C2CD2: variants seen among roughly 807,000 people sequenced by gnomAD.
C2CD2 encodes the protein C2 domain-containing protein 2.
Under a neutral mutation model 74.3 loss-of-function variants are expected in C2CD2, and 43 were observed. The observed-to-expected ratio is 0.58, with a 90% CI of 0.45 to 0.75. The LOEUF (loss-of-function observed/expected upper bound fraction) is 0.75, where lower values mean the gene tolerates loss of function less well. C2CD2 is among the 30% of genes least tolerant of loss of function. The pLI, the probability that C2CD2 is intolerant of heterozygous loss-of-function variation, is 0.00. For synonymous variants in C2CD2, 422 were observed against 390.7 expected (o/e 1.08, Z -0.94); for missense variants, 801 against 916.3 (o/e 0.87, Z 1.63).
chr21:41,896,977 G>A (rs929826871), intron 13 of C2CD2, among the ~76,000 whole-genome samples: 1 of 152,198 alleles, frequency 6.6e-6, no homozygotes, highest in Non-Finnish European at 1.5e-5. Flanking sequence ...CGCACGGCAC[G>A]GCTGAGCCTC....
At chr21:41,908,034 A>G (rs1601564575) in intron 8 of C2CD2, 1 of 496,250 alleles carries the variant, frequency 2.0e-6, no homozygotes, top group Non-Finnish European at 3.6e-6. Flanking sequence ...CCTGTGCCGG[A>G]GTGGAAAGGT....
intron 3 of C2CD2, among the ~76,000 whole-genome samples, chr21:41,920,055 A>G (rs1403925205): frequency 6.6e-6 from 1 of 152,198 alleles, no homozygotes; most frequent in East Asian, 1.9e-4. Flanking sequence ...TGCCTCAAGG[A>G]GCCGGAAATG....
chr21:41,947,112 T>TCTCTCTCTCTCTCTCTCTCTCTCTCTCTC (rs1555906757), intron 1 of C2CD2, among the ~76,000 whole-genome samples: 2 of 26,146 alleles, frequency 7.6e-5, no homozygotes, highest in Non-Finnish European at 1.8e-4. Flanking sequence ...CCTTTCTCTT[T>TCTCTCTCTCTCTCTCTCTCTCTCTCTCTC]TCTCTCTCTC....
chr21:41,894,996 G>A (rs772069357), intron 13 of C2CD2: 18 of 455,986 alleles, frequency 3.9e-5, no homozygotes, highest in Middle Eastern at 3.2e-4. Context: ...TGCAGCACCC[G>A]GAGATTCAAC....
At chr21:41,950,296 G>A (rs1236318678) in intron 1 of C2CD2, among the ~76,000 whole-genome samples, 1 of 152,234 alleles carries the variant, frequency 6.6e-6, no homozygotes, top group Non-Finnish European at 1.5e-5. Flanking sequence ...GTGTCACTAA[G>A]CTCTCTGGGC....
At chr21:41,894,974 T>A in intron 13 of C2CD2, 1 of 456,568 alleles carries the variant, frequency 2.2e-6, no homozygotes, top group Non-Finnish European at 4.4e-6. Flanking sequence ...GGTGTCGCTG[T>A]GTCAACCTGG....
At chr21:41,910,968 T>C (rs1295224314) in intron 7 of C2CD2, among the ~76,000 whole-genome samples, 1 of 151,062 alleles carries the variant, frequency 6.6e-6, no homozygotes, top group Non-Finnish European at 1.5e-5. Flanking sequence ...TATAGTTTTT[T>C]CCCTTATCTA....
At chr21:41,940,491 C>T (rs958129728) in intron 2 of C2CD2, among the ~76,000 whole-genome samples, 2 of 152,254 alleles carry the variant, frequency 1.3e-5, no homozygotes, top group African/African-American at 4.8e-5. Context: ...CAGGCGTCCC[C>T]TCCTTGCTGC....
At chr21:41,919,138 A>T (rs2065127444) in intron 3 of C2CD2, 178 bp from the exon 4 acceptor site, 1 of 606,676 alleles carries the variant, frequency 1.6e-6, no homozygotes, top group East Asian at 2.8e-5. Flanking sequence ...GCATATGAGC[A>T]TGTGTGCTCA....
At position 41,942,219 on chromosome 21, in the gene C2CD2, C is replaced by T; in HGVS notation, c.306G>A (p.Glu102=). 1 of 1,549,740 alleles carries T rather than the reference C, an allele frequency of 6.5e-7. No homozygotes were observed. Among genetic ancestry groups the T allele is most frequent in the Non-Finnish European group, 8.7e-7 (1 of 1,146,816 alleles). ...KGGPPFLSFE[E]DPRQQALELV... The stretch of plus-strand genomic sequence containing the variant: ...GCTCCAGTGCCTGCTGCCGCGGGTC[C>T]TCCTCAAAGGACAGGAAAGGTGGGC... The change falls in exon 2 of 14, where the codon GAG becomes GAA. Residue 102 remains glutamate (E), a synonymous_variant. Transcript: ENST00000380486.
intron 6 of C2CD2, 68 bp downstream of exon 6, chr21:41,914,530 G>C: frequency 6.9e-7 from 1 of 1,451,920 alleles, no homozygotes; most frequent in Non-Finnish European, 9.3e-7. Context: ...AAGGCCCCCC[G>C]GAGCCCCCGA....
rs1368634616 is a variant in C2CD2 at position 41,931,656 on chromosome 21, C to T, written c.379-9571G>A. 4.7e-5 allele frequency among the ~76,000 whole-genome samples: 7 copies of T among 149,870 alleles called. 1 individual carries two copies. Among genetic ancestry groups the T allele is most frequent in the Non-Finnish European group, 4.5e-5 (3 of 66,856 alleles). On this transcript the variant is annotated intron_variant, in intron 2 of 13. Transcript: ENST00000380486. ...CAGGATGGTCTTGATCCCCTGACCT[C>T]GTGATCCACCTGCCTCAGCCTCCCA...
intron 2 of C2CD2, among the ~76,000 whole-genome samples, chr21:41,922,596 T>G (rs1031859591): frequency 2.6e-5 from 4 of 151,914 alleles, no homozygotes; most frequent in Non-Finnish European, 5.9e-5. Flanking sequence ...CACCTCAGCC[T>G]CCCAAGTAGC....
At chr21:41,921,496 T>G (rs2065153401) in intron 3 of C2CD2, among the ~76,000 whole-genome samples, 1 of 152,184 alleles carries the variant, frequency 6.6e-6, no homozygotes, top group South Asian at 2.1e-4. Context: ...TATGAAAACA[T>G]GGAATAATGG....
Position 41,942,145 on chromosome 21 carries a change from A to C in C2CD2, c.378+2T>G. On this transcript the variant is annotated splice_donor_variant, in intron 2 of 13. Transcript: ENST00000380486. LOFTEE classifies it high-confidence loss of function. ...CTGCAGGGAATGGGCTCCTGGGCTCACCTTCTCCTCCGCCGACCTGAGCAC... is the reference window on the plus strand; with the variant it reads ...CTGCAGGGAATGGGCTCCTGGGCTCCCCTTCTCCTCCGCCGACCTGAGCAC... 1.3e-6 allele frequency: 2 copies of C among 1,549,080 alleles called. No individual in the cohort carries two copies. The highest frequency in any genetic ancestry group is 1.7e-6 in the Non-Finnish European group (2 of 1,146,706).
At chr21:41,934,764 G>A (rs1296052710) in intron 2 of C2CD2, among the ~76,000 whole-genome samples, 1 of 152,048 alleles carries the variant, frequency 6.6e-6, no homozygotes, top group Non-Finnish European at 1.5e-5. Flanking sequence ...TTACAGGTGA[G>A]AAGCCGAGCC....
chr21:41,941,269 G>A (rs1207754100), intron 2 of C2CD2, among the ~76,000 whole-genome samples: 2 of 152,130 alleles, frequency 1.3e-5, no homozygotes, highest in East Asian at 3.8e-4. Flanking sequence ...GCTAAGGCAG[G>A]AGGATCATTT....
intron 6 of C2CD2, among the ~76,000 whole-genome samples, chr21:41,913,621 C>T (rs892654819): frequency 1.2e-4 from 18 of 152,342 alleles, no homozygotes; most frequent in African/African-American, 1.9e-4. Context: ...CAACAGCTAG[C>T]TCTGCACAGT....
At chr21:41,948,305 C>T (rs985752431) in intron 1 of C2CD2, among the ~76,000 whole-genome samples, 2 of 111,982 alleles carry the variant, frequency 1.8e-5, no homozygotes, top group South Asian at 2.7e-4. Flanking sequence ...GGCACTGGGT[C>T]TGGCTCTGCC....
Sources: gnomAD v4.1 joint callset for allele counts (sites outside exome capture counted in the v4.1 genomes callset) on GRCh38, gnomAD v4.1.1 for gene constraint, MANE v1.5 for transcripts, NCBI Gene and HGNC (gene_info 2026-07-23, HGNC 2026-07-21) for gene names.